Variants in NIPAL3 observed in about 807,000 individuals in gnomAD.
NIPAL3 encodes the protein NIPA like domain containing 3.
In NIPAL3, 41 loss-of-function variants were observed where a neutral mutation model predicts 47.2. The observed-to-expected ratio is 0.87, with a 90% CI of 0.68 to 1.13. The LOEUF (loss-of-function observed/expected upper bound fraction) is 1.13. Ranked by LOEUF, NIPAL3 falls within the 50% of genes most tolerant of loss-of-function variation. The pLI is 0.00. For synonymous variants in NIPAL3, 194 were observed against 209.6 expected (o/e 0.93, Z 0.64); for missense variants, 449 against 530.1 (o/e 0.85, Z 1.50).
chr1:24,446,069 C>CTGTCTGTGTGTGT (rs58526442), intron 5 of NIPAL3, among the ~76,000 whole-genome samples: 1 of 147,736 alleles, frequency 6.8e-6, no homozygotes, highest in African/African-American at 2.5e-5. Context: ...AGATTATAGT[C>CTGTCTGTGTGTGT]GTGTGTGTGT....
rs1646332081 is a variant in NIPAL3, at chr1:24,458,633, A to G, written c.774-255A>G. On this transcript the variant is annotated intron_variant, in intron 8 of 11. Transcript: ENST00000374399. ...CAGGAGCCGTGCAGCCAAAGGTGTGAGACCATGATGGCATGGTTCAATTGG... is the reference window on the plus strand; with the variant it reads ...CAGGAGCCGTGCAGCCAAAGGTGTGGGACCATGATGGCATGGTTCAATTGG... Among the ~76,000 whole-genome samples the G allele has an allele frequency of 2.0e-5, 3 of 152,028 alleles. No homozygotes were observed. In the South Asian group the frequency reaches 6.2e-4, roughly 32 times the overall value.
intron 11 of NIPAL3, chr1:24,466,111 C>G: frequency 6.2e-7 from 1 of 1,605,262 alleles, no homozygotes; most frequent in Non-Finnish European, 8.5e-7. Flanking sequence ...ACCTGAAAGA[C>G]TTCTTAAAAA....
chr1:24,420,650 A>G (rs1018992288), intron 2 of NIPAL3, among the ~76,000 whole-genome samples: 1 of 152,090 alleles, frequency 6.6e-6, no homozygotes, highest in Non-Finnish European at 1.5e-5. Context: ...AAAGTTTTGT[A>G]TCTTGGTTGT....
chr1:24,442,277 C>G (rs1557510283), intron 4 of NIPAL3, 51 bp downstream of exon 4: 2 of 1,584,648 alleles, frequency 1.3e-6, no homozygotes, highest in African/African-American at 2.7e-5. Flanking sequence ...AGCTGCGTGA[C>G]CAGAGTGCCA....
At chr1:24,415,693 C>G (rs1476324817), upstream of NIPAL3, 1 of 241,838 alleles carries the variant, frequency 4.1e-6, no homozygotes, top group Non-Finnish European at 6.7e-6. Flanking sequence ...TCCCCGTCCT[C>G]GCAGCCACTT....
intron 1 of NIPAL3, among the ~76,000 whole-genome samples, chr1:24,418,785 G>C (rs771285031): frequency 6.6e-6 from 1 of 152,162 alleles, no homozygotes; most frequent in Non-Finnish European, 1.5e-5. Context: ...TCCGAGACCA[G>C]TGTCACCTCA....
chr1:24,468,912 C>A (rs1010515010), intron 11 of NIPAL3, 74 bp from the exon 12 acceptor site: 7 of 1,340,356 alleles, frequency 5.2e-6, no homozygotes, highest in Non-Finnish European at 7.4e-6. Context: ...TAGTCTGTGG[C>A]GGGATAGAGG....
At chr1:24,457,632 A>T (rs978667643) in intron 8 of NIPAL3, 9 of 432,604 alleles carry the variant, frequency 2.1e-5, no homozygotes, top group African/African-American at 1.9e-4. Flanking sequence ...ACTGATGCGG[A>T]GAGAGTAAGA....
intron 11 of NIPAL3, chr1:24,465,954 C>T (rs752480926): frequency 3.8e-6 from 6 of 1,565,916 alleles, no homozygotes; most frequent in African/African-American, 1.4e-5. Context: ...GCTTTTCCAG[C>T]CACTTGGTTT....
upstream of NIPAL3, chr1:24,414,042 G>A (rs1227234122): frequency 6.6e-6 from 1 of 152,102 alleles, no homozygotes. Flanking sequence ...ATTCATCCAA[G>A]CCCTGTTTCT....
intron 2 of NIPAL3, among the ~76,000 whole-genome samples, chr1:24,438,091 G>C (rs948689042): frequency 3.9e-5 from 6 of 152,136 alleles, no homozygotes; most frequent in Non-Finnish European, 7.4e-5. Flanking sequence ...TAACTACATG[G>C]TGCTTTTCTT....
At chr1:24,437,999 A>C (rs1645199844) in intron 2 of NIPAL3, among the ~76,000 whole-genome samples, 1 of 152,216 alleles carries the variant, frequency 6.6e-6, no homozygotes, top group South Asian at 2.1e-4. Flanking sequence ...TGAGAACCTG[A>C]GTTAGACAAG....
rs1299111492 is a variant in NIPAL3, at chr1:24,469,194, T to A, written c.*9T>A. The A allele has an allele frequency of 6.2e-6, 10 of 1,610,996 alleles. No homozygotes were observed. The highest frequency in any genetic ancestry group is 1.3e-5 in the African/African-American group (1 of 74,948). On this transcript the variant is annotated 3_prime_UTR_variant, in exon 12 of 12. Transcript: ENST00000374399. ...ACACCAAGAAGGAATGAGACTCGCC[T>A]CCCTCTATTTATAACTGTCCCCTCC...
In NIPAL3 at chr1:24,454,161, G is replaced by T. The variant is rs1273291044; in HGVS notation, c.637+657G>T. On this transcript the variant is annotated intron_variant, in intron 7 of 11. Transcript: ENST00000374399. The surrounding 1 kb of genome is among the most constrained non-coding windows in gnomAD (Gnocchi z 4.1). ...CCTGCCTCGGCCTCCCAAAGTGCCA[G>T]GATTACAGGCATGAGGCCCTGTACC... 44 of 1,240,080 alleles carry T rather than the reference G, an allele frequency of 3.5e-5. No individual in the cohort carries two copies. The highest frequency in any genetic ancestry group is 4.5e-5 in the Non-Finnish European group (44 of 970,474). The allele number at this position is 1,240,080 out of a possible 1,614,324, so 76.8% of individuals were successfully genotyped here. A position where few individuals can be genotyped will look rare whatever the true frequency, so the allele number is the denominator to read the frequency against.
In NIPAL3 at chr1:24,446,069, CGTGTGTGTGTGTGTGTGTGT is replaced by C. The variant is rs58016013; in HGVS notation, c.394+844_394+863del. Among the ~76,000 whole-genome samples, 617 of 147,838 alleles carry C rather than the reference CGTGTGTGTGTGTGTGTGTGT, an allele frequency of 4.2e-3. 3 individuals are homozygous for C. The highest frequency in any genetic ancestry group is 0.015 in the African/African-American group (599 of 40,410). On this transcript the variant is annotated intron_variant, in intron 5 of 11. Transcript: ENST00000374399. The stretch of plus-strand genomic sequence containing the variant: ...GGCTTCTGCTCACAGAGATTATAGT[CGTGTGTGTGTGTGTGTGTGT>C]GTGTGTGTGTGTGTGTGTTGTGGGA...
chr1:24,428,775 C>T (rs1644746952), intron 2 of NIPAL3, among the ~76,000 whole-genome samples: 1 of 152,108 alleles, frequency 6.6e-6, no homozygotes, highest in Non-Finnish European at 1.5e-5. Flanking sequence ...TTCCCTTGGC[C>T]CATACATAAC....
chr1:24,443,080 A>G (rs1250691989), intron 4 of NIPAL3, among the ~76,000 whole-genome samples: 1 of 152,196 alleles, frequency 6.6e-6, no homozygotes, highest in Non-Finnish European at 1.5e-5. Context: ...TGGGACTACA[A>G]TTGTAAGCCA....
intron 11 of NIPAL3, among the ~76,000 whole-genome samples, chr1:24,467,433 G>A (rs1304714750): frequency 6.6e-6 from 1 of 152,154 alleles, no homozygotes; most frequent in Non-Finnish European, 1.5e-5. Context: ...TCACGCCACT[G>A]CACTCCAGCC....
chr1:24,456,413 G>C (rs1377435434), intron 8 of NIPAL3, 140 bp downstream of exon 8: 9 of 1,232,202 alleles, frequency 7.3e-6, no homozygotes, highest in African/African-American at 1.5e-5. Context: ...GAGAGGAGCT[G>C]CTAATTTGCT....
Sources: allele counts gnomAD v4.1 joint callset (sites outside exome capture counted in the v4.1 genomes callset), GRCh38; gene constraint gnomAD v4.1.1; non-coding constraint Gnocchi (gnomAD v3.1); transcripts MANE v1.5; gene names NCBI Gene and HGNC (gene_info 2026-07-23, HGNC 2026-07-21).